The following CTNNA2 variants were observed in gnomAD, a reference collection of about 807,000 sequenced individuals.
The protein encoded by CTNNA2 is catenin alpha-2.
Under a neutral mutation model 101.0 loss-of-function variants are expected in CTNNA2, and 42 were observed. The observed-to-expected ratio is 0.42, with a 90% CI of 0.32 to 0.54. The LOEUF (loss-of-function observed/expected upper bound fraction) is 0.54, where lower values mean the gene tolerates loss of function less well. Ranked by LOEUF, CTNNA2 falls within the 20% of genes least tolerant of loss-of-function variation. The pLI is 0.14. For synonymous variants in CTNNA2, 450 were observed against 456.4 expected (o/e 0.99, Z 0.18); for missense variants, 871 against 1,223.1 (o/e 0.71, Z 4.29).
chr2:80,170,862 A>G (rs529746506), intron 7 of CTNNA2, among the ~76,000 whole-genome samples: 2 of 152,284 alleles, frequency 1.3e-5, no homozygotes, highest in South Asian at 2.1e-4. Flanking sequence ...TAACTGCTCT[A>G]TACACTGAAA....
intron 7 of CTNNA2, among the ~76,000 whole-genome samples, chr2:80,218,274 C>T (rs1314148305): frequency 6.6e-6 from 1 of 152,180 alleles, no homozygotes; most frequent in African/African-American, 2.4e-5. Context: ...TCTGTTTGTG[C>T]CCCATCTTAT....
intron 7 of CTNNA2, among the ~76,000 whole-genome samples, chr2:80,146,723 T>G (rs1006843920): frequency 8.9e-6 from 1 of 112,392 alleles, no homozygotes; most frequent in Non-Finnish European, 1.9e-5. Flanking sequence ...TTTTTTTTTT[T>G]TTTTTTTTTT....
intron 7 of CTNNA2, among the ~76,000 whole-genome samples, chr2:80,256,835 G>T (rs1164377432): frequency 2.6e-5 from 4 of 152,120 alleles, no homozygotes; most frequent in Non-Finnish European, 4.4e-5. Flanking sequence ...TGAACAACAA[G>T]AACTATTAAT....
intron 4 of CTNNA2, among the ~76,000 whole-genome samples, chr2:79,376,644 C>A (rs541266746): frequency 5.4e-4 from 82 of 152,222 alleles, no homozygotes; most frequent in African/African-American, 1.8e-3. Flanking sequence ...CCTCCCCCAA[C>A]CCCACAACAG....
intron 1 of CTNNA2, among the ~76,000 whole-genome samples, chr2:79,642,544 G>A (rs1046056056): frequency 5.3e-5 from 8 of 152,156 alleles, no homozygotes; most frequent in African/African-American, 1.9e-4. Context: ...GGGGAAATGG[G>A]CTTAGATTGA....
intron 2 of CTNNA2, among the ~76,000 whole-genome samples, chr2:79,290,358 C>A (rs867140945): frequency 2.6e-5 from 4 of 152,056 alleles, no homozygotes; most frequent in Non-Finnish European, 4.4e-5. Flanking sequence ...GATACGGGAG[C>A]GGGGCAGGGA....
At chr2:79,566,934 A>G (rs919664231) in intron 1 of CTNNA2, among the ~76,000 whole-genome samples, 4 of 152,200 alleles carry the variant, frequency 2.6e-5, no homozygotes, top group Non-Finnish European at 2.9e-5. Context: ...GATTTAATCA[A>G]TGAAACTCAT....
chr2:80,563,096 A>G (rs938252067), intron 12 of CTNNA2, among the ~76,000 whole-genome samples: 1 of 151,882 alleles, frequency 6.6e-6, no homozygotes, highest in Admixed American at 6.6e-5. Context: ...TCATGGATTC[A>G]GAATCCTGGG....
chr2:80,618,454 G>A (rs1699029016), intron 17 of CTNNA2, among the ~76,000 whole-genome samples: 1 of 151,856 alleles, frequency 6.6e-6, no homozygotes, highest in Non-Finnish European at 1.5e-5. Flanking sequence ...AAAGGGCATT[G>A]GTTATTGGCT....
intron 9 of CTNNA2, among the ~76,000 whole-genome samples, chr2:80,527,858 T>C (rs1307057866): frequency 6.6e-6 from 1 of 152,190 alleles, no homozygotes; most frequent in Non-Finnish European, 1.5e-5. Flanking sequence ...CAGGGCTGCA[T>C]ATTAGGATTA....
chr2:80,045,031 G>A (rs566367132), intron 7 of CTNNA2, among the ~76,000 whole-genome samples: 3 of 152,292 alleles, frequency 2.0e-5, no homozygotes, highest in African/African-American at 4.8e-5. Context: ...GCGGCTGAAC[G>A]CTCAACCAGG....
chr2:80,178,030 A>G lies in CTNNA2; in HGVS notation c.1057-215181A>G, dbSNP rs1324648682. 2.6e-5 allele frequency among the ~76,000 whole-genome samples: 4 copies of G among 152,240 alleles called. No individual in the cohort carries two copies. The East Asian group carries it at 7.7e-4, about 29-fold the overall frequency. The stretch of plus-strand genomic sequence containing the variant: ...TTCAGGTGGTGCCTGCATATTGCAC[A>G]AAGCCTGTGTAAATCAGGCCCTTGT... On this transcript the variant is annotated intron_variant, in intron 7 of 18. Coordinates refer to ENST00000402739, the MANE Select transcript of CTNNA2 (RefSeq NM_001282597.3).
At chr2:79,350,830 C>G (rs182484616) in intron 3 of CTNNA2, among the ~76,000 whole-genome samples, 1 of 152,184 alleles carries the variant, frequency 6.6e-6, no homozygotes, top group African/African-American at 2.4e-5. Flanking sequence ...AATCGTCATT[C>G]TGACTAATGT....
At chr2:79,616,570 A>C (rs184454290) in intron 1 of CTNNA2, among the ~76,000 whole-genome samples, 109 of 152,264 alleles carry the variant, frequency 7.2e-4, no homozygotes, top group African/African-American at 2.5e-3. Context: ...CATTGTAAAA[A>C]CCACAGCCAC....
At chr2:79,842,618 C>G (rs1192711071) in intron 3 of CTNNA2, among the ~76,000 whole-genome samples, 1 of 152,110 alleles carries the variant, frequency 6.6e-6, no homozygotes, top group Non-Finnish European at 1.5e-5. Context: ...GACTTTCAGA[C>G]TTACATCTCA....
At chr2:80,269,408 C>G (rs1190373966) in intron 7 of CTNNA2, among the ~76,000 whole-genome samples, 1 of 152,140 alleles carries the variant, frequency 6.6e-6, no homozygotes, top group African/African-American at 2.4e-5. Context: ...TGAGGCCTCC[C>G]CAGCCCTTCA....
chr2:80,642,075 G>A (rs1454840586), intron 18 of CTNNA2, among the ~76,000 whole-genome samples: 1 of 152,068 alleles, frequency 6.6e-6, no homozygotes, highest in African/African-American at 2.4e-5. Flanking sequence ...AACTCGGTAT[G>A]TCCAAAGTTA....
intron 3 of CTNNA2, among the ~76,000 whole-genome samples, chr2:79,329,296 A>G (rs1023241869): frequency 1.3e-5 from 2 of 152,184 alleles, no homozygotes; most frequent in Non-Finnish European, 2.9e-5. Context: ...ATAGATGGGC[A>G]TCATGCTTAC....
intron 4 of CTNNA2, among the ~76,000 whole-genome samples, chr2:79,420,621 T>TA (rs1678531520): frequency 2.0e-5 from 3 of 152,164 alleles, no homozygotes; most frequent in African/African-American, 7.2e-5. Context: ...ACTGCTTAAT[T>TA]TCTGTGCCTT....
Sources: gnomAD v4.1 joint callset for allele counts (sites outside exome capture counted in the v4.1 genomes callset) on GRCh38, gnomAD v4.1.1 for gene constraint, MANE v1.5 for transcripts, NCBI Gene and HGNC (gene_info 2026-07-23, HGNC 2026-07-21) for gene names.